TANGO6: variants seen among roughly 807,000 people sequenced by gnomAD.
The protein encoded by TANGO6 is transport and Golgi organization protein 6 homolog.
Under a neutral mutation model 114.2 loss-of-function variants are expected in TANGO6, and 90 were observed. That is an observed-to-expected ratio of 0.79 (90% CI 0.66 to 0.94). TANGO6 has a LOEUF of 0.94. TANGO6 is among the 40% of genes least tolerant of loss of function. The probability of loss-of-function intolerance (pLI) is 0.00; values close to 1 mark genes in which losing one functional copy is unlikely to be tolerated. For missense variants in TANGO6, 1,274 were observed against 1,315.3 expected (o/e 0.97, Z 0.49); for synonymous variants, 477 against 509.8 (o/e 0.94, Z 0.87).
chr16:68,884,205 C>T (rs748613894), intron 7 of TANGO6, among the ~76,000 whole-genome samples: 3 of 152,114 alleles, frequency 2.0e-5, no homozygotes, highest in Admixed American at 6.6e-5. Context: ...CCACCGTGCC[C>T]GGCCTCACTC....
intron 8 of TANGO6, among the ~76,000 whole-genome samples, chr16:68,901,385 CT>C (rs944356256): frequency 6.6e-6 from 1 of 152,208 alleles, no homozygotes; most frequent in African/African-American, 2.4e-5. Flanking sequence ...TCAGCACATC[CT>C]TGTATCCCAC....
In TANGO6 at chr16:68,860,419, T is replaced by G; in HGVS notation, c.630T>G (p.Ser210=). 6.2e-7 allele frequency: 1 copy of G among 1,614,000 alleles called. No homozygotes were observed. Among genetic ancestry groups the G allele is most frequent in the Non-Finnish European group, 8.5e-7 (1 of 1,179,896 alleles). The change falls in exon 2 of 18, where the codon TCT becomes TCG. Residue 210 remains serine (S), a synonymous_variant. Transcript: ENST00000261778. ...KALLNVAQHT[S]LGSLIFCHHF... The stretch of plus-strand genomic sequence containing the variant: ...TTCTGAATGTTGCTCAGCACACATC[T>G]CTGGGGAGCTTGATCTTCTGCCACC...
intron 17 of TANGO6, among the ~76,000 whole-genome samples, chr16:69,046,054 A>G (rs566718373): frequency 7.8e-6 from 1 of 128,026 alleles, no homozygotes; most frequent in Non-Finnish European, 1.7e-5. Flanking sequence ...ATAGAGCGAG[A>G]CTCCAACTCA....
At chr16:69,024,746 GT>G (rs1023917430) in intron 16 of TANGO6, among the ~76,000 whole-genome samples, 2 of 151,530 alleles carry the variant, frequency 1.3e-5, no homozygotes, top group African/African-American at 4.8e-5. Context: ...ACCATCTTAA[GT>G]TTTTTTTTGG....
chr16:68,937,490 T>A (rs1466947269), intron 14 of TANGO6: 1 of 152,218 alleles, frequency 6.6e-6, no homozygotes, highest in East Asian at 1.9e-4. Flanking sequence ...CCATCACCAC[T>A]ATCTAATTTT....
intron 15 of TANGO6, among the ~76,000 whole-genome samples, chr16:68,984,155 C>T (rs993522627): frequency 4.6e-5 from 7 of 151,996 alleles, no homozygotes; most frequent in African/African-American, 1.7e-4. Flanking sequence ...TAATTGGATA[C>T]CAGTCTGGGA....
intron 7 of TANGO6, among the ~76,000 whole-genome samples, chr16:68,896,436 C>A (rs1962705579): frequency 6.6e-6 from 1 of 152,144 alleles, no homozygotes; most frequent in Non-Finnish European, 1.5e-5. Flanking sequence ...CCTTAGCCTC[C>A]TGTGTAGCTG....
chr16:68,987,169 A>G (rs372726767), intron 15 of TANGO6, among the ~76,000 whole-genome samples: 26 of 147,064 alleles, frequency 1.8e-4, no homozygotes, highest in African/African-American at 6.3e-4. Flanking sequence ...TTTTTTTTCT[A>G]TGATATACAG....
chr16:69,004,018 A>AT (rs986038379), intron 15 of TANGO6, among the ~76,000 whole-genome samples: 8 of 151,532 alleles, frequency 5.3e-5, no homozygotes, highest in Non-Finnish European at 1.0e-4. Context: ...AAAAAAAAAA[A>AT]TTTTTTTCAA....
At chr16:69,014,205 T>C (rs908148586) in intron 15 of TANGO6, among the ~76,000 whole-genome samples, 1 of 152,188 alleles carries the variant, frequency 6.6e-6, no homozygotes, top group Non-Finnish European at 1.5e-5. Context: ...TGAAGACCCA[T>C]ATTCTTTTCA....
intron 17 of TANGO6, among the ~76,000 whole-genome samples, chr16:69,063,643 CAAAAAAAA>C (rs770332921): frequency 1.4e-4 from 5 of 35,778 alleles, no homozygotes; most frequent in African/African-American, 2.6e-4. Flanking sequence ...ACTCCATCTC[CAAAAAAAA>C]AAAAAAAAAA....
rs893648495 is a variant in TANGO6, at chr16:68,928,071, G to A, written c.2631G>A (p.Glu877=). ...QREAKALEMQ[E]KLLKIFLENL... is the part of the protein sequence containing the mutation. Reference sequence around the variant, plus strand: ...AAGCAAAAGCCCTTGAGATGCAAGAGAAGCTTCTCAAGGTGAGTAGAACAC... The same window carrying A: ...AAGCAAAAGCCCTTGAGATGCAAGAAAAGCTTCTCAAGGTGAGTAGAACAC... Residue 877 remains glutamate (E), a synonymous_variant, in exon 13 of 18, where the codon GAG becomes GAA. Coordinates refer to ENST00000261778, the MANE Select transcript of TANGO6 (RefSeq NM_024562.2). 1.3e-6 allele frequency: 2 copies of A among 1,582,018 alleles called. No homozygotes were observed. Among genetic ancestry groups the A allele is most frequent in the Admixed American group, 1.8e-5 (1 of 54,370 alleles).
At chr16:68,976,368 CA>C (rs1446058332) in intron 15 of TANGO6, among the ~76,000 whole-genome samples, 9 of 152,222 alleles carry the variant, frequency 5.9e-5, no homozygotes, top group African/African-American at 2.2e-4. Flanking sequence ...AAGATTTAAA[CA>C]TTTTTTAAAG....
intron 15 of TANGO6, among the ~76,000 whole-genome samples, chr16:68,978,025 AGATG>A (rs1455383585): frequency 6.6e-6 from 1 of 152,154 alleles, no homozygotes; most frequent in Non-Finnish European, 1.5e-5. Flanking sequence ...CTAAGAAGAA[AGATG>A]AACTTTCTAT....
At chr16:69,028,572 G>A (rs556879878) in intron 16 of TANGO6, among the ~76,000 whole-genome samples, 1 of 152,048 alleles carries the variant, frequency 6.6e-6, no homozygotes, top group Non-Finnish European at 1.5e-5. Context: ...GGCGGAGTTT[G>A]CAGTGAGCTA....
chr16:68,999,144 ATG>A (rs1265458975), intron 15 of TANGO6, among the ~76,000 whole-genome samples: 14 of 152,034 alleles, frequency 9.2e-5, no homozygotes, highest in Non-Finnish European at 1.8e-4. Context: ...CGGCTTCCCA[ATG>A]TGCTAGGATT....
intron 14 of TANGO6, among the ~76,000 whole-genome samples, chr16:68,962,777 A>G (rs1319453750): frequency 6.6e-6 from 1 of 151,718 alleles, no homozygotes; most frequent in Non-Finnish European, 1.5e-5. Flanking sequence ...AATAATAATA[A>G]TAAAATAAAG....
At chr16:69,075,971 G>A (rs934106344) in intron 17 of TANGO6, among the ~76,000 whole-genome samples, 31 of 151,302 alleles carry the variant, frequency 2.0e-4, no homozygotes, top group Non-Finnish European at 2.4e-4. Flanking sequence ...CACCATGTTG[G>A]CCAGGATGGT....
intron 15 of TANGO6, among the ~76,000 whole-genome samples, chr16:69,011,114 A>G (rs543447558): frequency 9.9e-5 from 15 of 152,240 alleles, no homozygotes; most frequent in African/African-American, 3.4e-4. Flanking sequence ...CGATTTTTGG[A>G]AAATATAATT....
Sources: gnomAD v4.1 joint callset for allele counts (sites outside exome capture counted in the v4.1 genomes callset) on GRCh38, gnomAD v4.1.1 for gene constraint, MANE v1.5 for transcripts, NCBI Gene and HGNC (gene_info 2026-07-23, HGNC 2026-07-21) for gene names.